CADM2: variants seen among roughly 807,000 people sequenced by gnomAD.
CADM2 encodes cell adhesion molecule 2.
In CADM2, 12 loss-of-function variants were observed where a neutral mutation model predicts 49.8. The observed-to-expected ratio is 0.24, with a 90% CI of 0.15 to 0.39. The LOEUF is 0.39. CADM2 is among the 10% of genes least tolerant of loss of function. CADM2 has a pLI of 1.00. For synonymous variants in CADM2, 214 were observed against 175.4 expected (o/e 1.22, Z -1.74); for missense variants, 378 against 492.3 (o/e 0.77, Z 2.20).
chr3:85,100,543 T>A (rs772935624), intron 1 of CADM2, among the ~76,000 whole-genome samples: 15 of 152,198 alleles, frequency 9.9e-5, no homozygotes, highest in Non-Finnish European at 4.4e-5. Context: ...TCTCATTGGG[T>A]TACACATAGT....
At chr3:84,975,670 C>A (rs2031772940) in intron 1 of CADM2, among the ~76,000 whole-genome samples, 1 of 151,692 alleles carries the variant, frequency 6.6e-6, no homozygotes, top group African/African-American at 2.4e-5. Flanking sequence ...TTAAGTTTTA[C>A]CCTAATAGGA....
At chr3:86,002,788 A>T (rs887548303) in intron 8 of CADM2, among the ~76,000 whole-genome samples, 1 of 152,188 alleles carries the variant, frequency 6.6e-6, no homozygotes, top group Non-Finnish European at 1.5e-5. Context: ...TTTTAATTTT[A>T]TCACAGAGTT....
chr3:85,805,045 A>G (rs1214631592), intron 3 of CADM2, among the ~76,000 whole-genome samples: 1 of 152,086 alleles, frequency 6.6e-6, no homozygotes, highest in Non-Finnish European at 1.5e-5. Context: ...GGCTCCAGCA[A>G]TTCTCCTGCC....
chr3:85,149,722 G>A (rs1039815706), intron 1 of CADM2, among the ~76,000 whole-genome samples: 5 of 152,082 alleles, frequency 3.3e-5, no homozygotes, highest in African/African-American at 4.8e-5. Flanking sequence ...GCGAGACTCC[G>A]TCTCAAAGAA....
At chr3:85,960,467 A>G (rs1724674106) in intron 7 of CADM2, among the ~76,000 whole-genome samples, 1 of 151,962 alleles carries the variant, frequency 6.6e-6, no homozygotes, top group African/African-American at 2.4e-5. Flanking sequence ...AGGAGGTACT[A>G]GATGAAGCAT....
At chr3:85,379,098 G>A (rs926929833) in intron 1 of CADM2, among the ~76,000 whole-genome samples, 2 of 151,970 alleles carry the variant, frequency 1.3e-5, no homozygotes, top group African/African-American at 4.8e-5. Flanking sequence ...ATCAAGCACC[G>A]TGGGTTAGTA....
At chr3:85,617,130 A>G (rs371521193) in intron 1 of CADM2, among the ~76,000 whole-genome samples, 14 of 152,148 alleles carry the variant, frequency 9.2e-5, no homozygotes, top group Admixed American at 4.6e-4. Flanking sequence ...TTCCCTCACT[A>G]TCTACCTGAA....
chr3:85,943,757 T>A (rs1446610027), intron 7 of CADM2, among the ~76,000 whole-genome samples: 1 of 151,786 alleles, frequency 6.6e-6, no homozygotes, highest in Non-Finnish European at 1.5e-5. Flanking sequence ...TATCTACAAC[T>A]ATCTGATCTT....
chr3:85,059,955 A>G (rs1190796198), intron 1 of CADM2, among the ~76,000 whole-genome samples: 1 of 151,334 alleles, frequency 6.6e-6, no homozygotes, highest in African/African-American at 2.5e-5. Flanking sequence ...TTAAGTATAT[A>G]GTTAAAAGGA....
intron 1 of CADM2, among the ~76,000 whole-genome samples, chr3:85,127,663 T>A (rs1280403255): frequency 6.6e-6 from 1 of 152,224 alleles, no homozygotes; most frequent in Non-Finnish European, 1.5e-5. Context: ...CCATGGCTTC[T>A]ATTTTTCTCT....
intron 1 of CADM2, among the ~76,000 whole-genome samples, chr3:85,005,650 G>C (rs770520623): frequency 6.6e-5 from 10 of 151,702 alleles, no homozygotes; most frequent in African/African-American, 2.4e-4. Context: ...ATGGAATAAC[G>C]TGAGTTGTTT....
At chr3:85,016,577 GA>G (rs765778752) in intron 1 of CADM2, among the ~76,000 whole-genome samples, 18 of 152,146 alleles carry the variant, frequency 1.2e-4, no homozygotes, top group Non-Finnish European at 2.2e-4. Flanking sequence ...GACATCAGCT[GA>G]GGTCAAGAGT....
chr3:85,660,442 T>G (rs1351805792), intron 1 of CADM2, among the ~76,000 whole-genome samples: 2 of 57,798 alleles, frequency 3.5e-5, no homozygotes, highest in East Asian at 1.8e-3. Flanking sequence ...GCTCTCCTGT[T>G]TTTTTTTTTT....
chr3:85,105,391 A>G (rs1464870034), intron 1 of CADM2, among the ~76,000 whole-genome samples: 4 of 152,300 alleles, frequency 2.6e-5, no homozygotes, highest in East Asian at 1.9e-4. Context: ...CAAAACCACA[A>G]TGAGATACCA....
chr3:85,907,490 T>C (rs1716952847), intron 5 of CADM2, among the ~76,000 whole-genome samples: 2 of 152,162 alleles, frequency 1.3e-5, no homozygotes, highest in Admixed American at 1.3e-4. Flanking sequence ...TTTCAGTTTC[T>C]AAATCCTGCC....
chr3:85,333,114 T>C (rs1366327431), intron 1 of CADM2, among the ~76,000 whole-genome samples: 1 of 151,816 alleles, frequency 6.6e-6, no homozygotes, highest in Non-Finnish European at 1.5e-5. Flanking sequence ...TCCTGTGGGA[T>C]TTAATCTTTG....
At chr3:85,863,465 C>T (rs1001582904) in intron 3 of CADM2, among the ~76,000 whole-genome samples, 1 of 152,074 alleles carries the variant, frequency 6.6e-6, no homozygotes, top group Non-Finnish European at 1.5e-5. Context: ...AGGGCTCTGC[C>T]CTCTTGAATG....
chr3:85,826,608 G>C (rs1475676601), intron 3 of CADM2, among the ~76,000 whole-genome samples: 1 of 151,946 alleles, frequency 6.6e-6, no homozygotes, highest in Non-Finnish European at 1.5e-5. Context: ...GTTAGCAAAT[G>C]ATAGTGGGGA....
chr3:85,362,421 C>T (rs971555408), intron 1 of CADM2, among the ~76,000 whole-genome samples: 5 of 152,110 alleles, frequency 3.3e-5, no homozygotes, highest in Admixed American at 2.6e-4. Context: ...CCACACCTCC[C>T]CATTTGAAGC....
Sources: gnomAD v4.1 joint callset for allele counts (sites outside exome capture counted in the v4.1 genomes callset) on GRCh38, gnomAD v4.1.1 for gene constraint, MANE v1.5 for transcripts, NCBI Gene and HGNC (gene_info 2026-07-23, HGNC 2026-07-21) for gene names.